MIR2052HG: variants seen among roughly 807,000 people sequenced by gnomAD.
MIR2052HG encodes the protein MIR2052 host gene.
chr8:74,623,620 A>G (rs1808397065), intron 2 of MIR2052HG, among the ~76,000 whole-genome samples: 1 of 152,236 alleles, frequency 6.6e-6, no homozygotes, highest in Admixed American at 6.5e-5. Context: ...GGAGTCAGGT[A>G]CTAACATAAA....
intron 2 of MIR2052HG, among the ~76,000 whole-genome samples, chr8:74,657,666 A>G (rs1271464898): frequency 1.3e-5 from 2 of 152,222 alleles, no homozygotes; most frequent in Admixed American, 6.5e-5. Flanking sequence ...CATGTCTCAC[A>G]TGGCAGCAGA....
intron 2 of MIR2052HG, among the ~76,000 whole-genome samples, chr8:74,684,121 G>A (rs1446797588): frequency 6.6e-6 from 1 of 152,122 alleles, no homozygotes; most frequent in African/African-American, 2.4e-5. Context: ...AGCTATGTAA[G>A]CAGTTAGACC....
At chr8:74,727,129 T>G (rs963380940) in intron 4 of MIR2052HG, among the ~76,000 whole-genome samples, 1 of 152,232 alleles carries the variant, frequency 6.6e-6, no homozygotes, top group African/African-American at 2.4e-5. Context: ...GAATACAGTA[T>G]TGTCCCTATC....
chr8:74,624,930 A>T (rs1318111591), intron 2 of MIR2052HG, among the ~76,000 whole-genome samples: 1 of 152,232 alleles, frequency 6.6e-6, no homozygotes, highest in Non-Finnish European at 1.5e-5. Context: ...AAGATCATGG[A>T]AAGTTGGACA....
intron 2 of MIR2052HG, among the ~76,000 whole-genome samples, chr8:74,631,547 A>G (rs754438443): frequency 5.3e-5 from 8 of 152,122 alleles, no homozygotes; most frequent in Non-Finnish European, 7.3e-5. Flanking sequence ...TTACCTAATC[A>G]TATATTTACC....
At chr8:74,630,036 AAAG>A (rs1294969674) in intron 2 of MIR2052HG, among the ~76,000 whole-genome samples, 2 of 152,212 alleles carry the variant, frequency 1.3e-5, no homozygotes, top group Non-Finnish European at 2.9e-5. Context: ...CAGGCACAGA[AAAG>A]AGTTGTTCGA....
In MIR2052HG at chr8:74,643,045, T is replaced by C. The variant is rs867731731; in HGVS notation, n.216+30105T>C. ...AACAATTGGCAAAATTACATTCGTA[T>C]GAGTTACCTTACACATTTTCAGATA... On this transcript the variant is annotated intron_variant and non_coding_transcript_variant, in intron 2 of 6. Transcript: ENST00000523442. Among the ~76,000 whole-genome samples, 93 of 152,330 alleles carry C rather than the reference T, an allele frequency of 6.1e-4. No individual in the cohort carries two copies. The Middle Eastern group carries it at 0.01, about 17-fold the overall frequency.
chr8:74,644,490 A>G (rs921962033), intron 2 of MIR2052HG, among the ~76,000 whole-genome samples: 1 of 152,204 alleles, frequency 6.6e-6, no homozygotes, highest in African/African-American at 2.4e-5. Context: ...TCGCACAATG[A>G]CAAAATCACC....
At chr8:74,686,978 C>T (rs1809187785) in intron 2 of MIR2052HG, among the ~76,000 whole-genome samples, 1 of 152,098 alleles carries the variant, frequency 6.6e-6, no homozygotes, top group African/African-American at 2.4e-5. Flanking sequence ...TGTAAGGGGC[C>T]ATACATATCC....
rs1431025458 is a variant in MIR2052HG at position 74,665,734 on chromosome 8, G to T, written n.217-36645G>T. ...CTGTGTATACAGCTGATACGGTTTG[G>T]CTGTGTCCCCACTCAAATCTCATTT... On this transcript the variant is annotated intron_variant and non_coding_transcript_variant, in intron 2 of 6. Coordinates refer to ENST00000523442, the Ensembl canonical transcript of MIR2052HG. Among the ~76,000 whole-genome samples, 3 of 151,998 alleles carry T rather than the reference G, an allele frequency of 2.0e-5. No individual in the cohort carries two copies. The East Asian group carries it at 5.8e-4, about 29-fold the overall frequency.
intron 2 of MIR2052HG, among the ~76,000 whole-genome samples, chr8:74,680,036 G>A (rs1158704777): frequency 6.6e-6 from 1 of 152,126 alleles, no homozygotes; most frequent in Non-Finnish European, 1.5e-5. Context: ...TCATATTATT[G>A]TCAACTTGGA....
At chr8:74,728,138 TG>T (rs1809655623) in intron 4 of MIR2052HG, among the ~76,000 whole-genome samples, 1 of 152,316 alleles carries the variant, frequency 6.6e-6, no homozygotes, top group East Asian at 1.9e-4. Context: ...ACATCATACT[TG>T]GGCAATGTAA....
chr8:74,654,378 C>T (rs1160636489), intron 2 of MIR2052HG, among the ~76,000 whole-genome samples: 1 of 152,182 alleles, frequency 6.6e-6, no homozygotes, highest in East Asian at 1.9e-4. Context: ...TTCCATTGAT[C>T]AGATGGGGAC....
chr8:74,614,155 A>G (rs1187300379), intron 2 of MIR2052HG, among the ~76,000 whole-genome samples: 1 of 152,218 alleles, frequency 6.6e-6, no homozygotes, highest in Non-Finnish European at 1.5e-5. Flanking sequence ...GCTTGGAAAC[A>G]GTGGCAACAG....
At chr8:74,604,066 G>C in intron 1 of MIR2052HG, 1 of 948,848 alleles carries the variant, frequency 1.1e-6, no homozygotes, top group Non-Finnish European at 1.7e-6. Flanking sequence ...TCCAGCAAAA[G>C]TGATAATTCT....
intron 4 of MIR2052HG, among the ~76,000 whole-genome samples, chr8:74,718,623 A>G (rs992328703): frequency 6.6e-6 from 1 of 152,208 alleles, no homozygotes; most frequent in East Asian, 1.9e-4. Flanking sequence ...AAGCTGGGAA[A>G]TTGTGTTAGT....
intron 2 of MIR2052HG, among the ~76,000 whole-genome samples, chr8:74,701,661 C>T (rs1301651890): frequency 6.6e-6 from 1 of 152,048 alleles, no homozygotes; most frequent in Non-Finnish European, 1.5e-5. Flanking sequence ...GAGCTATTTT[C>T]CAGCATTCCT....
intron 2 of MIR2052HG, among the ~76,000 whole-genome samples, chr8:74,616,182 T>C (rs758363713): frequency 3.9e-5 from 6 of 151,906 alleles, no homozygotes; most frequent in Non-Finnish European, 7.4e-5. Flanking sequence ...CTTGAGGAAT[T>C]GCCACACTGT....
chr8:74,617,459 GT>G (rs200575918), intron 2 of MIR2052HG, among the ~76,000 whole-genome samples: 3,912 of 20,738 alleles, frequency 0.19, 145 homozygotes, highest in African/African-American at 0.42. Context: ...TCCATTGGGT[GT>G]GTGTGTGTGT....
Sources: allele counts gnomAD v4.1 joint callset (sites outside exome capture counted in the v4.1 genomes callset), GRCh38; gene constraint gnomAD v4.1.1; transcripts MANE v1.5; gene names NCBI Gene and HGNC (gene_info 2026-07-23, HGNC 2026-07-21).